PHKG2: variants seen among roughly 807,000 people sequenced by gnomAD.
PHKG2 encodes phosphorylase kinase catalytic subunit gamma 2.
Under a neutral mutation model 44.5 loss-of-function variants are expected in PHKG2, and 28 were observed. The observed-to-expected ratio is 0.63, with a 90% CI of 0.47 to 0.86. PHKG2 has a LOEUF of 0.86. PHKG2 is among the 40% of genes least tolerant of loss of function. The pLI, the probability that PHKG2 is intolerant of heterozygous loss-of-function variation, is 0.00. For synonymous variants in PHKG2, 220 were observed against 211.2 expected (o/e 1.04, Z -0.36); for missense variants, 498 against 547.5 (o/e 0.91, Z 0.90).
intron 8 of PHKG2, 24 bp from the exon 9 acceptor site, chr16:30,756,566 C>G: frequency 6.2e-7 from 1 of 1,613,398 alleles, no homozygotes; most frequent in African/African-American, 1.3e-5. Flanking sequence ...AAGAGCTGCC[C>G]CTCATGCTCT....
At chr16:30,753,682 C>T in intron 6 of PHKG2, 125 bp downstream of exon 6, 1 of 923,714 alleles carries the variant, frequency 1.1e-6, no homozygotes, top group Non-Finnish European at 1.7e-6. Flanking sequence ...GGGCACTTGC[C>T]AAGTATCCTG....
rs1356445426 is a variant in PHKG2 at position 30,759,508 on chromosome 16, G to C, written c.*2411G>C. 3 of 1,614,200 alleles carry C rather than the reference G, an allele frequency of 1.9e-6. No individual in the cohort carries two copies. Among genetic ancestry groups the C allele is most frequent in the Non-Finnish European group, 2.5e-6 (3 of 1,180,038 alleles). ...ACCCTGACTACCTTCCGGAGCCCTG[G>C]CTTTGCCTCCAAAAGCCCAGCAACA... On this transcript the variant is annotated 3_prime_UTR_variant, in exon 10 of 10. Coordinates refer to ENST00000563588, the MANE Select transcript of PHKG2 (RefSeq NM_000294.3).
intron 6 of PHKG2, chr16:30,755,060 C>A (rs968844322): frequency 5.3e-6 from 2 of 377,640 alleles, no homozygotes; most frequent in South Asian, 3.8e-5. Flanking sequence ...AGAATTGGTG[C>A]CCGAGTGGTA....
At chr16:30,753,689 C>G (rs2053381412) in intron 6 of PHKG2, 132 bp downstream of exon 6, 1 of 845,022 alleles carries the variant, frequency 1.2e-6, no homozygotes, top group Admixed American at 2.3e-5. Flanking sequence ...TGCCAAGTAT[C>G]CTGTGGGCGC....
chr16:30,755,103 G>T, intron 6 of PHKG2: 2 of 342,214 alleles, frequency 5.8e-6, no homozygotes, highest in South Asian at 2.2e-5. Context: ...TGAGCCAAGC[G>T]TGGTGGCACG....
rs867929838 is a variant in PHKG2, at chr16:30,749,121, G to C, written c.95+206G>C. On this transcript the variant is annotated intron_variant, in intron 2 of 9. Transcript: ENST00000563588. ...GCTGCTGCTGCTGCTGGTGGTGCTGGTGCTGGTGGTGGTGGTGCTGGTGCT... is the reference window on the plus strand; with the variant it reads ...GCTGCTGCTGCTGCTGGTGGTGCTGCTGCTGGTGGTGGTGGTGCTGGTGCT... 7.1e-5 allele frequency among the ~76,000 whole-genome samples: 4 copies of C among 56,596 alleles called. 1 individual carries two copies. Among genetic ancestry groups the C allele is most frequent in the African/African-American group, 2.1e-4 (4 of 18,850 alleles). The allele number at this position is 56,596 out of a possible 152,430, so 37.1% of individuals were successfully genotyped here.
chr16:30,757,540 T>A lies in PHKG2; in HGVS notation c.*443T>A. The A allele has an allele frequency of 6.2e-7, 1 of 1,614,262 alleles. No individual in the cohort carries two copies. On this transcript the variant is annotated 3_prime_UTR_variant, in exon 10 of 10. Transcript: ENST00000563588. ...GAAGGGCCGCTCTAGTGCAGTCAACTTGCTGCTGAGCCTTTCCTCGCTGGC... is the reference window on the plus strand; with the variant it reads ...GAAGGGCCGCTCTAGTGCAGTCAACATGCTGCTGAGCCTTTCCTCGCTGGC...
rs779780888 is a variant in PHKG2 at position 30,756,857 on chromosome 16, T to C, written c.981T>C (p.Arg327=). The change falls in exon 10 of 10, where the codon CGT becomes CGC. Residue 327 remains arginine (R), a synonymous_variant. Coordinates refer to ENST00000563588, the MANE Select transcript of PHKG2 (RefSeq NM_000294.3). ...AAGRVALSTH[R]VRPLTKNALL... Reference sequence around the variant, plus strand: ...GACGAGTGGCCCTAAGCACCCATCGTGTACGGCCACTGACCAAGAATGCAC... The same window carrying C: ...GACGAGTGGCCCTAAGCACCCATCGCGTACGGCCACTGACCAAGAATGCAC... 16 of 1,614,130 alleles carry C rather than the reference T, an allele frequency of 9.9e-6. No individual in the cohort carries two copies. Among genetic ancestry groups the C allele is most frequent in the Non-Finnish European group, 1.4e-5 (16 of 1,180,026 alleles).
At chr16:30,748,578 C>G (rs1193462418) in intron 1 of PHKG2, 88 bp downstream of exon 1, 2 of 568,422 alleles carry the variant, frequency 3.5e-6, no homozygotes, top group Non-Finnish European at 6.3e-6. Flanking sequence ...CGCCCCTTCC[C>G]CCTGCCTCCT....
chr16:30,760,163 A>C lies in PHKG2; in HGVS notation c.*3066A>C. ...GAAAGCTGATGGCTTGTGTATGATG[A>C]TGCTACTAATAATGACATATTCCAG... On this transcript the variant is annotated 3_prime_UTR_variant, in exon 10 of 10. Coordinates refer to ENST00000563588, the MANE Select transcript of PHKG2 (RefSeq NM_000294.3). 2 of 1,591,344 alleles carry C rather than the reference A, an allele frequency of 1.3e-6. No individual in the cohort carries two copies. Among genetic ancestry groups the C allele is most frequent in the Non-Finnish European group, 8.5e-7 (1 of 1,174,926 alleles).
At chr16:30,753,333 G>T (rs775332699) in intron 5 of PHKG2, 36 bp downstream of exon 5, 11 of 1,613,776 alleles carry the variant, frequency 6.8e-6, no homozygotes, top group East Asian at 2.2e-5. Flanking sequence ...GGGTGAGCAG[G>T]GGGTGGGACA....
intron 5 of PHKG2, 31 bp downstream of exon 5, chr16:30,753,328 A>T: frequency 6.2e-7 from 1 of 1,612,712 alleles, no homozygotes; most frequent in Non-Finnish European, 8.5e-7. Context: ...CCCAGGGGTG[A>T]GCAGGGGGTG....
intron 3 of PHKG2, 28 bp from the exon 4 acceptor site, chr16:30,751,519 GTC>G (rs758117510): frequency 7.5e-6 from 12 of 1,597,088 alleles, no homozygotes; most frequent in Admixed American, 1.7e-5. Flanking sequence ...TTCCATCTCT[GTC>G]TCTCTGCCTC....
Position 30,760,510 on chromosome 16 carries a change from C to T in PHKG2, c.*3413C>T. The T allele has an allele frequency of 6.2e-7, 1 of 1,611,360 alleles. No homozygotes were observed. On this transcript the variant is annotated 3_prime_UTR_variant, in exon 10 of 10. Coordinates refer to ENST00000563588, the MANE Select transcript of PHKG2 (RefSeq NM_000294.3). ...GGGCCTCCTTTCATCACCCTACACCCACCACATGCTTTGGAGTCAGCCATT... is the reference window on the plus strand; with the variant it reads ...GGGCCTCCTTTCATCACCCTACACCTACCACATGCTTTGGAGTCAGCCATT...
rs2151312245 is a variant in PHKG2, at chr16:30,757,875, A to C, written c.*778A>C. The C allele has an allele frequency of 1.5e-6, 2 of 1,314,018 alleles. No individual in the cohort carries two copies. The highest frequency in any genetic ancestry group is 5.7e-5 in the East Asian group (2 of 35,292). 81.4% of individuals were successfully genotyped at this position (1,314,018 alleles called of 1,614,324 possible). ...CAGCTTCAAATTCTGATCCCTACTCAGTAGCTGTGTGACCTTAGGCAGGTT... is the reference window on the plus strand; with the variant it reads ...CAGCTTCAAATTCTGATCCCTACTCCGTAGCTGTGTGACCTTAGGCAGGTT... On this transcript the variant is annotated 3_prime_UTR_variant, in exon 10 of 10. Coordinates refer to ENST00000563588, the MANE Select transcript of PHKG2 (RefSeq NM_000294.3).
chr16:30,760,457 G>T lies in PHKG2; in HGVS notation c.*3360G>T, dbSNP rs1339057799. On this transcript the variant is annotated 3_prime_UTR_variant, in exon 10 of 10. Coordinates refer to ENST00000563588, the MANE Select transcript of PHKG2 (RefSeq NM_000294.3). ...CTCCAGCAGCTCAGCCAGCACCCTT[G>T]GGAGGGAGAGAGGAGTGAGTGACAA... 3 of 1,613,918 alleles carry T rather than the reference G, an allele frequency of 1.9e-6. No homozygotes were observed. Among genetic ancestry groups the T allele is most frequent in the Admixed American group, 3.3e-5 (2 of 60,008 alleles).
rs1426788792 is a variant in PHKG2, at chr16:30,757,051, ACT to A, written c.1178_1179del (p.Ser393CysfsTer5). ...ATCATGGGCCCTGAAGAGGAGGGAG[ACT>A]CTGCTGCTATAACTGAGGATGAGGC... On this transcript the variant is annotated frameshift_variant, in exon 10 of 10. Coordinates refer to ENST00000563588, the MANE Select transcript of PHKG2 (RefSeq NM_000294.3). LOFTEE classifies it low-confidence loss of function (END_TRUNC). 4 of 1,612,768 alleles carry A rather than the reference ACT, an allele frequency of 2.5e-6. No homozygotes were observed. The highest frequency in any genetic ancestry group is 3.4e-6 in the Non-Finnish European group (4 of 1,179,988).
chr16:30,755,618 T>C (rs575446732), intron 6 of PHKG2, among the ~76,000 whole-genome samples: 79 of 152,000 alleles, frequency 5.2e-4, no homozygotes, highest in African/African-American at 1.7e-3. Flanking sequence ...GGAGGTTACA[T>C]TGAGCCGAGA....
Position 30,759,178 on chromosome 16 carries a change from C to T in PHKG2, c.*2081C>T. The stretch of plus-strand genomic sequence containing the variant: ...GCCCTGCCCTGGCACTCTCCCTTAC[C>T]CGTCTCACTCTCTGGCCACAGTTTG... On this transcript the variant is annotated 3_prime_UTR_variant, in exon 10 of 10. Coordinates refer to ENST00000563588, the MANE Select transcript of PHKG2 (RefSeq NM_000294.3). The T allele has an allele frequency of 6.2e-7, 1 of 1,614,228 alleles. No individual in the cohort carries two copies. Among genetic ancestry groups the T allele is most frequent in the Non-Finnish European group, 8.5e-7 (1 of 1,180,044 alleles).
Sources: gnomAD v4.1 joint callset for allele counts (sites outside exome capture counted in the v4.1 genomes callset) on GRCh38, gnomAD v4.1.1 for gene constraint, MANE v1.5 for transcripts, NCBI Gene and HGNC (gene_info 2026-07-23, HGNC 2026-07-21) for gene names.